PPP6R1: variants seen among roughly 807,000 people sequenced by gnomAD.
PPP6R1 encodes the protein protein phosphatase 6 regulatory subunit 1, also known as serine/threonine-protein phosphatase 6 regulatory subunit 1.
PPP6R1 carries 39 observed loss-of-function variants against 104.6 expected under a neutral mutation model. The ratio of observed to expected loss-of-function variants is 0.37; its 90% CI spans 0.29 to 0.49. PPP6R1 has a LOEUF of 0.49. Among genes scored for constraint, PPP6R1 ranks in the 20% least tolerant of loss-of-function variants. PPP6R1 has a pLI of 0.98. For synonymous variants in PPP6R1, 549 were observed against 479.0 expected (o/e 1.15, Z -1.91); for missense variants, 1,181 against 1,155.8 (o/e 1.02, Z -0.32).
intron 21 of PPP6R1, 100 bp downstream of exon 21, chr19:55,231,310 G>C (rs2087343272): frequency 1.5e-6 from 2 of 1,368,176 alleles, no homozygotes; most frequent in Non-Finnish European, 2.0e-6. Flanking sequence ...CTGCAAAGGA[G>C]GCCTGGAGCA....
intron 17 of PPP6R1, 22 bp downstream of exon 17, chr19:55,236,621 G>T (rs918541196): frequency 8.6e-6 from 13 of 1,504,920 alleles, no homozygotes; most frequent in Non-Finnish European, 1.1e-5. Flanking sequence ...GCTTGGAGAA[G>T]GGAAACTGGA....
chr19:55,258,607 T>C lies in PPP6R1; in HGVS notation c.-179A>G, dbSNP rs1417899441. On this transcript the variant is annotated 5_prime_UTR_variant, in exon 1 of 24. Transcript: ENST00000412770. ...CGGGGTCCGCGCAGGCGCCCGCGGG[T>C]CGTGGGGTCCTCGCGCGCCGGGTCC... 3.4e-5 allele frequency: 5 copies of C among 147,582 alleles called. No individual in the cohort carries two copies. Among genetic ancestry groups the C allele is most frequent in the Non-Finnish European group, 3.0e-5 (2 of 66,832 alleles). The allele number at this position is 147,582 out of a possible 1,614,324, so 9.1% of individuals were successfully genotyped here.
Position 55,246,758 on chromosome 19 carries a change from C to G in PPP6R1, c.227+119G>C, listed in dbSNP as rs892656601. On this transcript the variant is annotated intron_variant, in intron 2 of 23. Coordinates refer to ENST00000412770, the MANE Select transcript of PPP6R1 (RefSeq NM_014931.4). ...CCTGGCTGCTCCCAGCCTCGTCTTC[C>G]TCATCCCCAAACTGGAGTTTACTGA... 3 of 1,024,474 alleles carry G rather than the reference C, an allele frequency of 2.9e-6. No individual in the cohort carries two copies. In the African/African-American group the frequency reaches 4.9e-5, roughly 17 times the overall value. 63.5% of individuals were successfully genotyped at this position (1,024,474 alleles called of 1,614,324 possible). A position where few individuals can be genotyped will look rare whatever the true frequency, so the allele number is the denominator to read the frequency against.
chr19:55,255,145 A>C, intron 1 of PPP6R1, among the ~76,000 whole-genome samples: 1 of 152,208 alleles, frequency 6.6e-6, no homozygotes, highest in Non-Finnish European at 1.5e-5. Flanking sequence ...TGGCCCCAGA[A>C]GCACACCCTC....
intron 5 of PPP6R1, 51 bp from the exon 6 acceptor site, chr19:55,242,539 T>C (rs570427181): frequency 6.8e-7 from 1 of 1,463,820 alleles, no homozygotes; most frequent in South Asian, 1.1e-5. Context: ...CCGGGCCCTC[T>C]GCAGCCTGGT....
At chr19:55,230,941 A>C in intron 21 of PPP6R1, 57 bp from the exon 22 acceptor site, 1 of 1,392,282 alleles carries the variant, frequency 7.2e-7, no homozygotes. Context: ...ACCTGCTGAC[A>C]CCCTCACATC....
chr19:55,240,556 C>CACACACAT (rs1291425835), intron 10 of PPP6R1, among the ~76,000 whole-genome samples: 15 of 148,042 alleles, frequency 1.0e-4, no homozygotes, highest in African/African-American at 3.1e-4. Flanking sequence ...CACACACACA[C>CACACACAT]ATGCATGCAC....
chr19:55,236,736 G>A lies in PPP6R1; in HGVS notation c.1895C>T (p.Ala632Val). ...TCCATCAGACTCCCCTGAGCCCTGG[G>A]CCTCTTCCTCGTCCTCCTCTTCCTC... is the stretch of plus-strand genomic sequence containing the variant. ...DDEEEEDEEE[A>V]QGSGESDGED... The change falls in exon 17 of 24, where the codon GCC (alanine) becomes GTC (valine). Residue 632 changes from alanine (A) to valine (V), a missense_variant. Ala to Val is a moderately conservative substitution (Grantham distance 64). Coordinates refer to ENST00000412770, the MANE Select transcript of PPP6R1 (RefSeq NM_014931.4). The A allele has an allele frequency of 6.2e-7, 1 of 1,613,904 alleles. No homozygotes were observed. Among genetic ancestry groups the A allele is most frequent in the Non-Finnish European group, 8.5e-7 (1 of 1,179,848 alleles).
Position 55,231,663 on chromosome 19 carries a change from T to C in PPP6R1, c.2312A>G (p.Gln771Arg), listed in dbSNP as rs1210327915. ...PARDALQLRSQDPTPPSAPQE... is the reference protein window; with the variant it reads ...PARDALQLRSRDPTPPSAPQE... Reference sequence around the variant, plus strand: ...AGGTGCTGAGGGGGGTGTGGGGTCCTGAGACCTGGTAGGCGAGAGAGGCAG... The same window carrying C: ...AGGTGCTGAGGGGGGTGTGGGGTCCCGAGACCTGGTAGGCGAGAGAGGCAG... Residue 771 changes from glutamine to arginine, a missense_variant, in exon 20 of 24, where the codon CAG becomes CGG. Transcript: ENST00000412770. The C allele has an allele frequency of 3.1e-6, 5 of 1,604,940 alleles. No homozygotes were observed. Among genetic ancestry groups the C allele is most frequent in the Admixed American group, 1.7e-5 (1 of 58,864 alleles).
At chr19:55,235,196 G>A (rs542297436) in intron 17 of PPP6R1, among the ~76,000 whole-genome samples, 2 of 147,168 alleles carry the variant, frequency 1.4e-5, no homozygotes, top group South Asian at 2.2e-4. Flanking sequence ...CTCTGGGGCC[G>A]GCCAGTATTA....
At chr19:55,244,797 T>C (rs1390077109) in intron 5 of PPP6R1, among the ~76,000 whole-genome samples, 7 of 151,454 alleles carry the variant, frequency 4.6e-5, no homozygotes, top group African/African-American at 1.7e-4. Flanking sequence ...CAGGCTGGAG[T>C]GCAGTGGTGT....
intron 5 of PPP6R1, among the ~76,000 whole-genome samples, chr19:55,244,148 C>A (rs141353428): frequency 2.0e-5 from 3 of 152,318 alleles, no homozygotes; most frequent in South Asian, 2.1e-4. Context: ...GGCAGTGTGG[C>A]CCTGGGCCAT....
At chr19:55,254,436 G>A (rs2087577468) in intron 1 of PPP6R1, among the ~76,000 whole-genome samples, 1 of 152,130 alleles carries the variant, frequency 6.6e-6, no homozygotes, top group South Asian at 2.1e-4. Flanking sequence ...CACCCCTCAA[G>A]GGCCTGCCAG....
intron 1 of PPP6R1, among the ~76,000 whole-genome samples, chr19:55,256,618 T>C (rs1477694550): frequency 6.6e-6 from 1 of 152,190 alleles, no homozygotes; most frequent in African/African-American, 2.4e-5. Context: ...GAAATCAGCC[T>C]GGGCACCACA....
chr19:55,250,159 CCACTGCGCTCCAGCACCTG>C (rs2087542274), intron 1 of PPP6R1, among the ~76,000 whole-genome samples: 1 of 152,348 alleles, frequency 6.6e-6, no homozygotes, highest in South Asian at 2.1e-4. Context: ...ATGGTATCAG[CCACTGCGCTCCAGCACCTG>C]CACTGCGCTG....
chr19:55,242,913 G>T (rs186634478), intron 5 of PPP6R1, among the ~76,000 whole-genome samples: 2 of 152,292 alleles, frequency 1.3e-5, no homozygotes, highest in East Asian at 3.9e-4. Context: ...ACCACACACA[G>T]ATCACGTAGT....
intron 1 of PPP6R1, among the ~76,000 whole-genome samples, chr19:55,252,029 T>C (rs1403447826): frequency 1.3e-5 from 2 of 151,824 alleles, no homozygotes; most frequent in African/African-American, 2.4e-5. Context: ...AACCACACAC[T>C]GCAGGCCTCC....
At position 55,236,528 on chromosome 19, in the gene PPP6R1, T is replaced by G. The variant is rs1440224857; in HGVS notation, c.1988+115A>C. The stretch of plus-strand genomic sequence containing the variant: ...TGCCCCCAACTAATACACACACCAA[T>G]GCAGGTTCCTTATTTTCTTCATTCA... On this transcript the variant is annotated intron_variant, in intron 17 of 23. Coordinates refer to ENST00000412770, the MANE Select transcript of PPP6R1 (RefSeq NM_014931.4). The G allele has an allele frequency of 1.2e-5, 14 of 1,194,400 alleles. No individual in the cohort carries two copies. The East Asian group carries it at 1.6e-4, about 13-fold the overall frequency. 74.0% of individuals were successfully genotyped at this position (1,194,400 alleles called of 1,614,324 possible). A position where few individuals can be genotyped will look rare whatever the true frequency, so the allele number is the denominator to read the frequency against.
intron 1 of PPP6R1, among the ~76,000 whole-genome samples, chr19:55,248,064 T>C (rs570153347): frequency 4.3e-4 from 66 of 152,294 alleles, no homozygotes; most frequent in Middle Eastern, 6.8e-3. Context: ...ACACAGAGTA[T>C]TAACAAGATG....
Sources: gnomAD v4.1 joint callset for allele counts (sites outside exome capture counted in the v4.1 genomes callset) on GRCh38, gnomAD v4.1.1 for gene constraint, MANE v1.5 for transcripts, NCBI Gene and HGNC (gene_info 2026-07-23, HGNC 2026-07-21) for gene names.